Variants in ACKR3 observed in about 807,000 individuals in gnomAD.
ACKR3 encodes the protein atypical chemokine receptor 3.
Under a neutral mutation model 22.4 loss-of-function variants are expected in ACKR3, and 6 were observed. The observed-to-expected ratio is 0.27, with a 90% CI of 0.15 to 0.53. The LOEUF (loss-of-function observed/expected upper bound fraction) is 0.53, where lower values mean the gene tolerates loss of function less well. Ranked by LOEUF, ACKR3 falls within the 20% of genes least tolerant of loss-of-function variation. The pLI, the probability that ACKR3 is intolerant of heterozygous loss-of-function variation, is 0.96. For missense variants in ACKR3, 396 were observed against 475.2 expected, an observed-to-expected ratio of 0.83 and a Z score of 1.55; for synonymous variants, 209 against 205.2, an observed-to-expected ratio of 1.02 and a Z score of -0.16.
intron 1 of ACKR3, among the ~76,000 whole-genome samples, chr2:236,576,846 C>T (rs1050548146): frequency 6.6e-6 from 1 of 152,232 alleles, no homozygotes; most frequent in African/African-American, 2.4e-5. Context: ...ACCGAAATGA[C>T]AAAAGGGTAA....
At chr2:236,545,992 G>C in the ACKR3 span, among the ~76,000 whole-genome samples, 2 of 152,118 alleles carry the variant, frequency 1.3e-5, no homozygotes, top group African/African-American at 4.8e-5. The surrounding 1 kb of genome is among the most constrained non-coding windows in gnomAD (Gnocchi z 5.3). Flanking sequence ...TACAAAGGAG[G>C]GGCCACGTTT....
chr2:236,539,376 G>T, the ACKR3 span, among the ~76,000 whole-genome samples: 1 of 147,578 alleles, frequency 6.8e-6, no homozygotes, highest in African/African-American at 2.5e-5. Context: ...GCAGTGGTGC[G>T]ATCTCGGCTC....
rs1691364655 is a variant in ACKR3, at chr2:236,574,331, C to T, written c.-27+4407C>T. ...ACTATGTGCAGCTGTAGCTGTATAG[C>T]TGTATAGCTGTAGCTACACAAAGTT... On this transcript the variant is annotated intron_variant, in intron 1 of 1. Coordinates refer to ENST00000272928, the MANE Select transcript of ACKR3 (RefSeq NM_020311.3). The surrounding 1 kb of genome is among the most constrained non-coding windows in gnomAD (Gnocchi z 5.6). 1.3e-5 allele frequency among the ~76,000 whole-genome samples: 2 copies of T among 152,092 alleles called. 1 individual carries two copies. The highest frequency in any genetic ancestry group is 4.2e-4 in the South Asian group (2 of 4,818).
chr2:236,547,460 G>A, the ACKR3 span, among the ~76,000 whole-genome samples: 1 of 152,056 alleles, frequency 6.6e-6, no homozygotes, highest in Admixed American at 6.5e-5. Flanking sequence ...TGGATTTACC[G>A]ACAAGCAGAT....
the ACKR3 span, among the ~76,000 whole-genome samples, chr2:236,541,827 T>G: frequency 2.6e-5 from 4 of 152,226 alleles, no homozygotes; most frequent in Admixed American, 2.6e-4. Context: ...GTTTTATAAA[T>G]GGGAGTTCCC....
chr2:236,550,261 C>T, the ACKR3 span, among the ~76,000 whole-genome samples: 13 of 152,202 alleles, frequency 8.5e-5, no homozygotes, highest in Admixed American at 8.5e-4. The surrounding 1 kb of genome is among the most constrained non-coding windows in gnomAD (Gnocchi z 4.6). Context: ...CCACTGGACA[C>T]GTAATGTGGC....
At chr2:236,553,597 G>C in the ACKR3 span, among the ~76,000 whole-genome samples, 8 of 152,354 alleles carry the variant, frequency 5.3e-5, no homozygotes, top group South Asian at 1.7e-3. Context: ...CCTGCGTAAA[G>C]TCTGAGAACC....
At chr2:236,569,152 C>T (rs1290575972), upstream of ACKR3, among the ~76,000 whole-genome samples, 3 of 152,172 alleles carry the variant, frequency 2.0e-5, no homozygotes, top group Non-Finnish European at 2.9e-5. Context: ...TATTATCTTC[C>T]TAATGCGTGT....
Position 236,570,555 on chromosome 2 carries a change from T to C in ACKR3, c.-27+631T>C, listed in dbSNP as rs138727716. ...ACAGCCCGGTCTTCTCTTCTCTTGA[T>C]GGCACGCTTGCTAATCTAATTTGAG... On this transcript the variant is annotated intron_variant, in intron 1 of 1. Transcript: ENST00000272928. 2.8e-3 allele frequency among the ~76,000 whole-genome samples: 432 copies of C among 152,352 alleles called. 1 individual carries two copies. Among genetic ancestry groups the C allele is most frequent in the African/African-American group, 0.01 (417 of 41,582 alleles).
chr2:236,563,796 G>A (rs891890825), upstream of ACKR3, among the ~76,000 whole-genome samples: 6 of 152,160 alleles, frequency 3.9e-5, no homozygotes, highest in Non-Finnish European at 8.8e-5. Context: ...CCAGACTTGC[G>A]ACTGGAACTG....
rs541026388 is a variant in ACKR3 at position 236,574,309 on chromosome 2, A to C, written c.-27+4385A>C. ...ACTGCTGGCTCATTGAGTACCTACT[A>C]TGTGCAGCTGTAGCTGTATAGCTGT... On this transcript the variant is annotated intron_variant, in intron 1 of 1. Transcript: ENST00000272928. The surrounding 1 kb of genome is among the most constrained non-coding windows in gnomAD (Gnocchi z 5.6). 1.3e-5 allele frequency among the ~76,000 whole-genome samples: 2 copies of C among 152,042 alleles called. No homozygotes were observed. Among genetic ancestry groups the C allele is most frequent in the South Asian group, 4.2e-4 (2 of 4,806 alleles).
the ACKR3 span, among the ~76,000 whole-genome samples, chr2:236,542,416 G>A: frequency 5.9e-5 from 9 of 152,188 alleles, no homozygotes; most frequent in Non-Finnish European, 1.2e-4. Flanking sequence ...CTGTTGCTGT[G>A]TGGGAAGAGG....
upstream of ACKR3, among the ~76,000 whole-genome samples, chr2:236,564,592 GTTTTTTT>G (rs532204731): frequency 0.072 from 9,351 of 129,318 alleles, 362 homozygotes; most frequent in Non-Finnish European, 0.11. Context: ...TTCCTTCCTA[GTTTTTTT>G]TTTTTTTTTT....
the ACKR3 span, among the ~76,000 whole-genome samples, chr2:236,541,553 T>C: frequency 6.6e-6 from 1 of 152,224 alleles, no homozygotes; most frequent in Non-Finnish European, 1.5e-5. Context: ...AGTAACGGGT[T>C]GCCTGTGTCC....
At chr2:236,569,159 G>A (rs113303388), upstream of ACKR3, among the ~76,000 whole-genome samples, 1,521 of 152,336 alleles carry the variant, frequency 1.0e-2, 26 homozygotes, top group African/African-American at 0.033. Flanking sequence ...TTCCTAATGC[G>A]TGTCTGGCAC....
the ACKR3 span, among the ~76,000 whole-genome samples, chr2:236,547,800 C>T: frequency 1.3e-5 from 2 of 152,144 alleles, no homozygotes; most frequent in Admixed American, 6.5e-5. Flanking sequence ...GCCTTTTCTC[C>T]AGGCTGCTTT....
chr2:236,570,264 A>G (rs191854940), intron 1 of ACKR3, among the ~76,000 whole-genome samples: 39 of 152,352 alleles, frequency 2.6e-4, no homozygotes, highest in African/African-American at 8.9e-4. Context: ...AACACAGACT[A>G]TCCATTCTGC....
At chr2:236,580,325 C>T in intron 1 of ACKR3, 115 bp from the exon 2 acceptor site, 1 of 1,113,188 alleles carries the variant, frequency 9.0e-7, no homozygotes. Context: ...AGAGCTAAAC[C>T]CAAACAGCTG....
At chr2:236,567,056 T>A (rs975073700), upstream of ACKR3, among the ~76,000 whole-genome samples, 3 of 151,808 alleles carry the variant, frequency 2.0e-5, no homozygotes, top group Non-Finnish European at 4.4e-5. Context: ...CCAGGCTGGA[T>A]TGCAATGGTG....
Sources: gnomAD v4.1 joint callset for allele counts (sites outside exome capture counted in the v4.1 genomes callset) on GRCh38, gnomAD v4.1.1 for gene constraint, Gnocchi (gnomAD v3.1) non-coding constraint, MANE v1.5 for transcripts, NCBI Gene and HGNC (gene_info 2026-07-23, HGNC 2026-07-21) for gene names.